The following PPP6R3 variants were observed in gnomAD, a reference collection of about 807,000 sequenced individuals.
The protein encoded by PPP6R3 is protein phosphatase 6 regulatory subunit 3.
PPP6R3 carries 38 observed loss-of-function variants against 110.7 expected under a neutral mutation model. The observed-to-expected ratio is 0.34, with a 90% CI of 0.26 to 0.45. The LOEUF (loss-of-function observed/expected upper bound fraction) is 0.45. PPP6R3 is among the 20% of genes least tolerant of loss of function. The pLI is 1.00. For synonymous variants in PPP6R3, 369 were observed against 373.5 expected (o/e 0.99, Z 0.14); for missense variants, 870 against 1,062.4 (o/e 0.82, Z 2.52).
At position 68,530,812 on chromosome 11, in the gene PPP6R3, A is replaced by G. The variant is rs138365148; in HGVS notation, c.-6-6847A>G. Among the ~76,000 whole-genome samples, 6 of 152,336 alleles carry G rather than the reference A, an allele frequency of 3.9e-5. No individual in the cohort carries two copies. In the East Asian group the frequency reaches 9.6e-4, roughly 24 times the overall value. On this transcript the variant is annotated intron_variant, in intron 2 of 23. Transcript: ENST00000393800. ...GTACAGTTATTTCGCAGTTGATAGTATACAGTTTATTGTACTTAGATATAA... is the reference window on the plus strand; with the variant it reads ...GTACAGTTATTTCGCAGTTGATAGTGTACAGTTTATTGTACTTAGATATAA...
intron 3 of PPP6R3, among the ~76,000 whole-genome samples, chr11:68,538,884 C>T (rs1277397082): frequency 2.0e-5 from 3 of 152,176 alleles, no homozygotes; most frequent in African/African-American, 7.2e-5. Context: ...CTGTGGGAAG[C>T]TGAGGCAGGT....
chr11:68,524,880 G>C (rs1046422613), intron 2 of PPP6R3, among the ~76,000 whole-genome samples: 13 of 152,208 alleles, frequency 8.5e-5, no homozygotes, highest in African/African-American at 2.9e-4. Context: ...TGAATGCCCA[G>C]TTGTCTTGTC....
At chr11:68,512,512 G>C (rs1049144326) in intron 1 of PPP6R3, among the ~76,000 whole-genome samples, 1 of 152,226 alleles carries the variant, frequency 6.6e-6, no homozygotes, top group Non-Finnish European at 1.5e-5. Flanking sequence ...AATTACCGGG[G>C]AAGGGACAGT....
intron 22 of PPP6R3, 114 bp from the exon 23 acceptor site, chr11:68,609,790 C>G: frequency 6.4e-7 from 1 of 1,569,252 alleles, no homozygotes; most frequent in Non-Finnish European, 8.8e-7. Flanking sequence ...TCCCAGGATG[C>G]TTTGCCTCCG....
chr11:68,581,987 C>T (rs1435582257), intron 14 of PPP6R3, among the ~76,000 whole-genome samples: 1 of 152,156 alleles, frequency 6.6e-6, no homozygotes, highest in East Asian at 1.9e-4. Flanking sequence ...GTGATTTGCT[C>T]AGAATTTTAC....
At chr11:68,484,540 C>G (rs1037063428) in intron 1 of PPP6R3, among the ~76,000 whole-genome samples, 1 of 151,312 alleles carries the variant, frequency 6.6e-6, no homozygotes, top group Non-Finnish European at 1.5e-5. Flanking sequence ...TCAGGTTGTT[C>G]ATTTTTTTGA....
intron 1 of PPP6R3, among the ~76,000 whole-genome samples, chr11:68,513,059 C>G (rs2153541519): frequency 6.6e-6 from 1 of 152,178 alleles, no homozygotes; most frequent in Admixed American, 6.5e-5. Context: ...ACGATATACA[C>G]CAGCAGCCCC....
chr11:68,592,368 TAAG>T (rs2099598140), intron 18 of PPP6R3, among the ~76,000 whole-genome samples: 3 of 152,224 alleles, frequency 2.0e-5, no homozygotes, highest in Non-Finnish European at 4.4e-5. Flanking sequence ...TTACTTATAA[TAAG>T]TAATGTTTTC....
chr11:68,591,689 A>G lies in PPP6R3; in HGVS notation c.1899A>G (p.Glu633=). 1 of 1,612,046 alleles carries G rather than the reference A, an allele frequency of 6.2e-7. No individual in the cohort carries two copies. Among genetic ancestry groups the G allele is most frequent in the African/African-American group, 1.3e-5 (1 of 75,004 alleles). The part of the protein sequence containing the change: ...WEEKHIAFTP[E]SQRRSSSGST... ...AAAAGCACATCGCATTCACACCAGA[A>G]TCCCAAAGACGATCCAGGTGAAAGA... Residue 633 remains glutamate (E), a synonymous_variant, in exon 18 of 24, where the codon GAA becomes GAG. Transcript: ENST00000393800.
intron 3 of PPP6R3, among the ~76,000 whole-genome samples, chr11:68,542,033 G>A (rs2099318375): frequency 6.6e-6 from 1 of 151,952 alleles, no homozygotes. Context: ...CAGGGGTGGT[G>A]TGGGGTTTTG....
chr11:68,551,513 G>C (rs910207212), intron 6 of PPP6R3, among the ~76,000 whole-genome samples: 1 of 151,724 alleles, frequency 6.6e-6, no homozygotes, highest in African/African-American at 2.4e-5. Context: ...CCTTTGAGAC[G>C]GAGTCTCCCT....
At chr11:68,540,598 C>T (rs564439969) in intron 3 of PPP6R3, among the ~76,000 whole-genome samples, 5 of 152,178 alleles carry the variant, frequency 3.3e-5, no homozygotes, top group East Asian at 1.9e-4. Context: ...ATTTGTTAGG[C>T]GGGAAGTTCC....
chr11:68,569,591 T>C (rs2099494565), intron 10 of PPP6R3, among the ~76,000 whole-genome samples, 157 bp from the exon 11 acceptor site: 1 of 152,250 alleles, frequency 6.6e-6, no homozygotes, highest in African/African-American at 2.4e-5. Context: ...ACTGTGGTTA[T>C]GCAAGTACTA....
intron 12 of PPP6R3, among the ~76,000 whole-genome samples, chr11:68,572,383 T>G (rs948078048): frequency 2.6e-5 from 4 of 152,200 alleles, no homozygotes; most frequent in Admixed American, 2.6e-4. Context: ...CCTTGTTTCC[T>G]TGCACAACAG....
intron 1 of PPP6R3, among the ~76,000 whole-genome samples, chr11:68,475,921 C>T (rs569568532): frequency 2.0e-5 from 3 of 151,626 alleles, no homozygotes; most frequent in East Asian, 1.9e-4. Context: ...CGGGCAGAGA[C>T]GCTCCTCACT....
At chr11:68,569,631 C>A (rs1326179481) in intron 10 of PPP6R3, 117 bp from the exon 11 acceptor site, 16 of 929,014 alleles carry the variant, frequency 1.7e-5, no homozygotes, top group Non-Finnish European at 2.3e-5. Context: ...TTAATTGGTC[C>A]TTTTGGACTG....
chr11:68,600,759 G>C (rs2099629375), intron 20 of PPP6R3, among the ~76,000 whole-genome samples: 2 of 152,210 alleles, frequency 1.3e-5, no homozygotes, highest in Admixed American at 1.3e-4. Flanking sequence ...CAGGGAGTTA[G>C]CAGGACGCAG....
intron 1 of PPP6R3, among the ~76,000 whole-genome samples, chr11:68,463,815 TCCCCCCTCACCCCC>T (rs1319886580): frequency 3.9e-5 from 6 of 152,164 alleles, no homozygotes; most frequent in Non-Finnish European, 7.3e-5. Context: ...TGGGGGTGGT[TCCCCCCTCACCCCC>T]CAGGAAACAT....
At chr11:68,496,966 G>T (rs1413055691) in intron 1 of PPP6R3, among the ~76,000 whole-genome samples, 1 of 139,828 alleles carries the variant, frequency 7.2e-6, no homozygotes, top group Non-Finnish European at 1.5e-5. Context: ...GGTTCACGCC[G>T]TTCTCTTGCT....
Sources: allele counts gnomAD v4.1 joint callset (sites outside exome capture counted in the v4.1 genomes callset), GRCh38; gene constraint gnomAD v4.1.1; transcripts MANE v1.5; gene names NCBI Gene and HGNC (gene_info 2026-07-23, HGNC 2026-07-21).